Variants in ARID4B observed in about 807,000 individuals in gnomAD.
ARID4B encodes the protein AT-rich interactive domain-containing protein 4B.
In ARID4B, 26 loss-of-function variants were observed where a neutral mutation model predicts 147.5. The observed-to-expected ratio is 0.18, with a 90% confidence interval of 0.13 to 0.24. The LOEUF is 0.24. Ranked by LOEUF, ARID4B falls within the 10% of genes least tolerant of loss-of-function variation. The probability of loss-of-function intolerance (pLI) is 1.00; values close to 1 mark genes in which losing one functional copy is unlikely to be tolerated. For missense variants in ARID4B, 1,179 were observed against 1,511.5 expected (o/e 0.78, Z 3.65); for synonymous variants, 512 against 507.9 (o/e 1.01, Z -0.11).
Position 235,182,014 on chromosome 1 carries a change from G to A in ARID4B, c.2905C>T (p.Leu969=). 1.2e-6 allele frequency: 2 copies of A among 1,614,174 alleles called. No homozygotes were observed. Among genetic ancestry groups the A allele is most frequent in the African/African-American group, 1.3e-5 (1 of 75,022 alleles). ...CTCTCCTCTTCAGCCACAGTCTGCAGTGACTCCTCTGCCACCCCCTCCTCT... is the reference window on the plus strand; with the variant it reads ...CTCTCCTCTTCAGCCACAGTCTGCAATGACTCCTCTGCCACCCCCTCCTCT... The part of the protein sequence containing the change: ...APEEGVAEES[L]QTVAEEESCS... Residue 969 remains leucine, a synonymous_variant, in exon 20 of 24, where the codon CTG becomes TTG. Transcript: ENST00000264183.
At chr1:235,169,643 C>T (rs1263608198) in intron 23 of ARID4B, among the ~76,000 whole-genome samples, 1 of 151,816 alleles carries the variant, frequency 6.6e-6, no homozygotes, top group Non-Finnish European at 1.5e-5. Flanking sequence ...TCACGCCATT[C>T]TCCTGCCTCA....
chr1:235,254,896 C>T (rs1331639834), intron 5 of ARID4B, among the ~76,000 whole-genome samples: 1 of 151,760 alleles, frequency 6.6e-6, no homozygotes, highest in African/African-American at 2.4e-5. Context: ...TACTTTATGT[C>T]CAAATTAGCA....
chr1:235,196,767 C>T (rs1247080007), intron 17 of ARID4B, among the ~76,000 whole-genome samples: 2 of 148,278 alleles, frequency 1.3e-5, no homozygotes, highest in Non-Finnish European at 1.5e-5. Context: ...GCAGAAGAAT[C>T]GTGTGAACCC....
intron 17 of ARID4B, among the ~76,000 whole-genome samples, chr1:235,205,850 A>G (rs1666274001): frequency 6.6e-6 from 1 of 152,356 alleles, no homozygotes; most frequent in African/African-American, 2.4e-5. Context: ...TGAGATAAAC[A>G]GAGAATAACA....
intron 16 of ARID4B, 66 bp downstream of exon 16, chr1:235,219,725 CAT>C: frequency 7.9e-7 from 1 of 1,266,086 alleles, no homozygotes; most frequent in Non-Finnish European, 1.1e-6. Flanking sequence ...TACATAAACA[CAT>C]ACAAAGAGCA....
At position 235,181,733 on chromosome 1, in the gene ARID4B, C is replaced by A; in HGVS notation, c.3186G>T (p.Lys1062Asn). The part of the protein sequence containing the change: ...APNQEEVRSI[K>N]SETDSTIEVD... ...CCTCAATTGTGCTATCAGTTTCACT[C>A]TTGATACTTCGAACCTCTTCTTGGT... The change falls in exon 20 of 24, where the codon AAG (lysine) becomes AAT (asparagine). Residue 1062 changes from lysine to asparagine, a missense_variant. Physicochemically the swap from Lys to Asn is moderately conservative, Grantham distance 94. This residue lies in a region of ARID4B where 357 missense variants were observed against 427.3 expected (regional missense o/e 0.84). Transcript: ENST00000264183. 1 of 1,614,132 alleles carries A rather than the reference C, an allele frequency of 6.2e-7. No individual in the cohort carries two copies. The highest frequency in any genetic ancestry group is 1.1e-5 in the South Asian group (1 of 91,066).
intron 20 of ARID4B, among the ~76,000 whole-genome samples, chr1:235,178,931 T>C (rs1176764790): frequency 1.3e-5 from 2 of 152,162 alleles, no homozygotes; most frequent in Admixed American, 6.5e-5. Flanking sequence ...TCTTTTTTAT[T>C]TTTTACACCA....
chr1:235,168,532 C>T lies in ARID4B; in HGVS notation c.3932G>A (p.Cys1311Tyr), dbSNP rs1663095927. The change falls in exon 24 of 24, where the codon TGC becomes TAC. Residue 1311 changes from cysteine to tyrosine, a missense_variant. Transcript: ENST00000264183. ...SASQNGMSVE[C>Y]R is the part of the protein sequence containing the mutation. ...CTTTAGCAAGTCCTGCTGTCACCTGCACTCAACTGACATTCCATTTTGTGA... is the reference window on the plus strand; with the variant it reads ...CTTTAGCAAGTCCTGCTGTCACCTGTACTCAACTGACATTCCATTTTGTGA... The T allele has an allele frequency of 6.2e-7, 1 of 1,613,870 alleles. No individual in the cohort carries two copies. The highest frequency in any genetic ancestry group is 8.5e-7 in the Non-Finnish European group (1 of 1,179,936).
intron 18 of ARID4B, among the ~76,000 whole-genome samples, chr1:235,194,858 C>G (rs1665387863): frequency 6.6e-6 from 1 of 152,042 alleles, no homozygotes; most frequent in African/African-American, 2.4e-5. Flanking sequence ...GCAACGTGGT[C>G]ATTTTAAAAT....
At chr1:235,239,698 T>A (rs1270063520) in intron 8 of ARID4B, among the ~76,000 whole-genome samples, 2 of 152,146 alleles carry the variant, frequency 1.3e-5, no homozygotes, top group African/African-American at 4.8e-5. Context: ...ATACTCCTGA[T>A]AATAAATCTT....
At chr1:235,229,025 G>C in intron 11 of ARID4B, 1 of 552,260 alleles carries the variant, frequency 1.8e-6, no homozygotes, top group Non-Finnish European at 3.0e-6. Context: ...AGGAAAATCA[G>C]GCTTAATATT....
In ARID4B at chr1:235,277,594, TTGTGTGTGTGTGTGTGTG is replaced by T. The variant is rs71576468; in HGVS notation, c.7-16860_7-16843del. 2.0e-3 allele frequency among the ~76,000 whole-genome samples: 256 copies of T among 129,620 alleles called. 1 individual carries two copies. The highest frequency in any genetic ancestry group is 6.6e-3 in the African/African-American group (217 of 32,888). The allele number at this position is 129,620 out of a possible 152,430, so 85.0% of individuals were successfully genotyped here. ...ATGAGACCATTTTTAATGCCTTATA[TTGTGTGTGTGTGTGTGTG>T]TGTGTGTGTGTGTGTGTGTGTGTGT... is the stretch of plus-strand genomic sequence containing the variant. On this transcript the variant is annotated intron_variant, in intron 2 of 23. Transcript: ENST00000264183.
At chr1:235,268,678 G>T (rs891176360) in intron 2 of ARID4B, among the ~76,000 whole-genome samples, 1 of 152,030 alleles carries the variant, frequency 6.6e-6, no homozygotes, top group Non-Finnish European at 1.5e-5. Flanking sequence ...ACAGGCGCTC[G>T]CCACCATGTC....
At chr1:235,201,164 A>G (rs1665889118) in intron 17 of ARID4B, among the ~76,000 whole-genome samples, 1 of 152,080 alleles carries the variant, frequency 6.6e-6, no homozygotes, top group Non-Finnish European at 1.5e-5. Flanking sequence ...TAAAATAAAT[A>G]AAAATAAAGT....
chr1:235,302,170 A>AAAAAC (rs1673207021), intron 2 of ARID4B, among the ~76,000 whole-genome samples: 1 of 145,854 alleles, frequency 6.9e-6, no homozygotes, highest in African/African-American at 2.5e-5. Context: ...AAAAAAAAAA[A>AAAAAC]AAAAAAACAG....
chr1:235,193,910 G>A (rs1558187589), intron 19 of ARID4B, 103 bp downstream of exon 19: 3 of 806,396 alleles, frequency 3.7e-6, no homozygotes, highest in Non-Finnish European at 3.8e-6. Context: ...CAAAACTCTG[G>A]TAGAAAAAAC....
At chr1:235,215,283 T>C (rs927928450) in intron 16 of ARID4B, among the ~76,000 whole-genome samples, 1 of 152,144 alleles carries the variant, frequency 6.6e-6, no homozygotes, top group African/African-American at 2.4e-5. Flanking sequence ...ACTAGATTTA[T>C]TTTTTAAAAA....
intron 2 of ARID4B, among the ~76,000 whole-genome samples, chr1:235,270,683 C>T (rs1209892779): frequency 6.6e-6 from 1 of 152,204 alleles, no homozygotes; most frequent in Non-Finnish European, 1.5e-5. Flanking sequence ...AGGCACTGTT[C>T]TAAGTATCAA....
intron 2 of ARID4B, among the ~76,000 whole-genome samples, chr1:235,275,875 G>A (rs528818052): frequency 1.3e-5 from 2 of 152,282 alleles, no homozygotes; most frequent in African/African-American, 2.4e-5. Flanking sequence ...AGTGGCTCAC[G>A]CCTGTAATCC....
Sources: allele counts gnomAD v4.1 joint callset (sites outside exome capture counted in the v4.1 genomes callset), GRCh38; gene constraint gnomAD v4.1.1; regional missense constraint gnomAD v4.1.1; transcripts MANE v1.5; gene names NCBI Gene and HGNC (gene_info 2026-07-23, HGNC 2026-07-21).